TOP6BL: variants seen among roughly 807,000 people sequenced by gnomAD.
The protein encoded by TOP6BL is type 2 DNA topoisomerase 6 subunit B-like.
the TOP6BL span, among the ~76,000 whole-genome samples, chr11:66,774,883 G>A: frequency 6.6e-6 from 1 of 151,874 alleles, no homozygotes; most frequent in Non-Finnish European, 1.5e-5. Context: ...GGAGGCCAAG[G>A]CTGGCAGATT....
the TOP6BL span, among the ~76,000 whole-genome samples, chr11:66,833,018 CCT>C: frequency 1.3e-5 from 2 of 150,542 alleles, no homozygotes; most frequent in Non-Finnish European, 3.0e-5. Flanking sequence ...TTGCTTTCTC[CCT>C]GTCTCTCAAA....
At chr11:66,760,835 A>G in the TOP6BL span, among the ~76,000 whole-genome samples, 257 of 152,092 alleles carry the variant, frequency 1.7e-3, no homozygotes, top group African/African-American at 5.9e-3. Flanking sequence ...GAACAACCAA[A>G]AAGCTACATT....
the TOP6BL span, among the ~76,000 whole-genome samples, chr11:66,769,787 C>G: frequency 7.0e-4 from 106 of 151,876 alleles, no homozygotes; most frequent in African/African-American, 2.5e-3. Flanking sequence ...GTCGCCCAGG[C>G]TGGAGTGCAG....
chr11:66,827,641 T>C, the TOP6BL span, among the ~76,000 whole-genome samples: 1 of 151,908 alleles, frequency 6.6e-6, no homozygotes, highest in African/African-American at 2.4e-5. Context: ...CATGAACAGA[T>C]GGATCTTCTG....
At chr11:66,759,001 T>G in the TOP6BL span, 11 of 1,424,946 alleles carry the variant, frequency 7.7e-6, no homozygotes, top group African/African-American at 1.4e-5. Flanking sequence ...ATAGAATGCA[T>G]TTACTTATTT....
chr11:66,842,806 C>A, the TOP6BL span: 1 of 1,513,630 alleles, frequency 6.6e-7, no homozygotes, highest in Non-Finnish European at 8.9e-7. Context: ...GCTCCTAGCA[C>A]AGGGCCATGA....
chr11:66,834,448 C>T, the TOP6BL span, among the ~76,000 whole-genome samples: 7 of 152,288 alleles, frequency 4.6e-5, no homozygotes, highest in African/African-American at 1.7e-4. Flanking sequence ...CCAGTGGCTT[C>T]AGCTAGAACT....
At chr11:66,791,069 A>G in the TOP6BL span, among the ~76,000 whole-genome samples, 1 of 152,222 alleles carries the variant, frequency 6.6e-6, no homozygotes, top group Non-Finnish European at 1.5e-5. Flanking sequence ...ATGAGAAGAG[A>G]TAAAAGGGAG....
chr11:66,800,048 G>C, the TOP6BL span, among the ~76,000 whole-genome samples: 1 of 149,498 alleles, frequency 6.7e-6, no homozygotes, highest in Non-Finnish European at 1.5e-5. Flanking sequence ...CTGGGCAACA[G>C]AGCAAGACCC....
At chr11:66,803,144 C>T in the TOP6BL span, among the ~76,000 whole-genome samples, 3 of 152,274 alleles carry the variant, frequency 2.0e-5, no homozygotes, top group East Asian at 1.9e-4. Flanking sequence ...GTGTAGCATG[C>T]GTGAGAGCAG....
the TOP6BL span, chr11:66,822,621 C>T: frequency 6.4e-7 from 1 of 1,553,132 alleles, no homozygotes; most frequent in Non-Finnish European, 8.7e-7. Context: ...CATGAGTATT[C>T]TGACTGGAAG....
At chr11:66,828,402 C>A in the TOP6BL span, 1 of 1,488,084 alleles carries the variant, frequency 6.7e-7, no homozygotes, top group Non-Finnish European at 9.3e-7. Context: ...GGGAATCTTC[C>A]ATTTTGATAT....
At chr11:66,801,662 C>T in the TOP6BL span, among the ~76,000 whole-genome samples, 3 of 152,030 alleles carry the variant, frequency 2.0e-5, no homozygotes, top group Non-Finnish European at 4.4e-5. Flanking sequence ...ATGGCAAAAC[C>T]CTGTCTCTGC....
the TOP6BL span, among the ~76,000 whole-genome samples, chr11:66,763,270 C>T: frequency 2.6e-5 from 4 of 152,134 alleles, no homozygotes; most frequent in Non-Finnish European, 5.9e-5. Flanking sequence ...TCCCCTTTTC[C>T]TTTGTAAATT....
the TOP6BL span, chr11:66,744,800 C>A: frequency 8.7e-6 from 11 of 1,270,232 alleles, no homozygotes; most frequent in Non-Finnish European, 1.1e-5. Flanking sequence ...GGCGGAGTTC[C>A]AAGCCCGGGC....
At chr11:66,779,301 T>TC in the TOP6BL span, among the ~76,000 whole-genome samples, 1 of 151,866 alleles carries the variant, frequency 6.6e-6, no homozygotes, top group Non-Finnish European at 1.5e-5. Context: ...TACAGTGAAC[T>TC]CCAACAAATT....
the TOP6BL span, among the ~76,000 whole-genome samples, chr11:66,773,375 G>T: frequency 1.3e-5 from 2 of 151,724 alleles, no homozygotes; most frequent in African/African-American, 4.8e-5. Context: ...TCCTGAGTGA[G>T]CATGGGTAAT....
At chr11:66,829,585 A>AAAAAAAG in the TOP6BL span, among the ~76,000 whole-genome samples, 1 of 150,792 alleles carries the variant, frequency 6.6e-6, no homozygotes. Flanking sequence ...AAAAAAAAAA[A>AAAAAAAG]ACAAAACCAT....
At chr11:66,796,741 C>T in the TOP6BL span, among the ~76,000 whole-genome samples, 1 of 150,840 alleles carries the variant, frequency 6.6e-6, no homozygotes, top group Non-Finnish European at 1.5e-5. Flanking sequence ...CATGATTGTG[C>T]CACTGCCCTC....
Sources: gnomAD v4.1 joint callset for allele counts (sites outside exome capture counted in the v4.1 genomes callset) on GRCh38, gnomAD v4.1.1 for gene constraint, MANE v1.5 for transcripts, NCBI Gene and HGNC (gene_info 2026-07-23, HGNC 2026-07-21) for gene names.